The following HIVEP3 variants were observed in gnomAD, a reference collection of about 807,000 sequenced individuals.
The protein encoded by HIVEP3 is transcription factor HIVEP3.
HIVEP3 carries 49 observed loss-of-function variants against 152.8 expected under a neutral mutation model. That is an observed-to-expected ratio of 0.32 (90% confidence interval 0.26 to 0.41). HIVEP3 has a LOEUF of 0.41. Ranked by LOEUF, HIVEP3 falls within the 10% of genes least tolerant of loss-of-function variation. HIVEP3 has a pLI of 1.00. For synonymous variants in HIVEP3, 1,269 were observed against 1,289.0 expected (o/e 0.98, Z 0.33); for missense variants, 2,790 against 3,103.3 (o/e 0.90, Z 2.40).
At chr1:41,771,301 A>C (rs1357980653) in intron 1 of HIVEP3, among the ~76,000 whole-genome samples, 1 of 152,154 alleles carries the variant, frequency 6.6e-6, no homozygotes, top group African/African-American at 2.4e-5. Flanking sequence ...CCCCCAAAAA[A>C]TTAATTTACT....
In HIVEP3 at chr1:41,584,153, T is replaced by C; in HGVS notation, c.645A>G (p.Thr215=). 1 of 1,614,158 alleles carries C rather than the reference T, an allele frequency of 6.2e-7. No individual in the cohort carries two copies. Among genetic ancestry groups the C allele is most frequent in the Non-Finnish European group, 8.5e-7 (1 of 1,180,034 alleles). The change falls in exon 4 of 9, where the codon ACA becomes ACG. Residue 215 remains threonine, a synonymous_variant. Transcript: ENST00000372583. This position sits in a 1 kb window ranked among gnomAD's most constrained non-coding sequence, Gnocchi z 5.2. ...GGCCGCAGGGGTAGGGCCTCTCACC[T>C]GTGTGTGAGCGAATGTGCTTCTGGA... ...SVLQKHIRSH[T]GERPYPCGPC... is the part of the protein sequence containing the mutation.
At chr1:41,642,095 C>T (rs969434687) in intron 2 of HIVEP3, among the ~76,000 whole-genome samples, 3 of 152,182 alleles carry the variant, frequency 2.0e-5, no homozygotes, top group East Asian at 1.9e-4. Context: ...TTCCTGCCCC[C>T]ACCCTGGCTC....
intron 1 of HIVEP3, among the ~76,000 whole-genome samples, chr1:41,896,923 T>A (rs1034698969): frequency 1.3e-5 from 2 of 152,164 alleles, no homozygotes; most frequent in African/African-American, 4.8e-5. Flanking sequence ...AAGAGGTCTA[T>A]CACATGGTCT....
At chr1:41,694,868 C>G (rs1467642928) in intron 2 of HIVEP3, among the ~76,000 whole-genome samples, 1 of 152,146 alleles carries the variant, frequency 6.6e-6, no homozygotes, top group African/African-American at 2.4e-5. Flanking sequence ...GAGATGTAAC[C>G]CTACCTAGTA....
chr1:41,969,770 C>A (rs1645219141), intron 1 of HIVEP3, among the ~76,000 whole-genome samples: 1 of 152,182 alleles, frequency 6.6e-6, no homozygotes, highest in Non-Finnish European at 1.5e-5. Context: ...AGCAGACAGA[C>A]AATCTAAAGA....
intron 3 of HIVEP3, among the ~76,000 whole-genome samples, chr1:41,593,374 G>A (rs1172099049): frequency 6.6e-6 from 1 of 151,902 alleles, no homozygotes; most frequent in Non-Finnish European, 1.5e-5. Flanking sequence ...TCTTTTTGCG[G>A]GCAGCAGCAC....
chr1:41,544,857 A>T (rs1210121895), intron 5 of HIVEP3, among the ~76,000 whole-genome samples: 16 of 93,974 alleles, frequency 1.7e-4, no homozygotes, highest in East Asian at 3.1e-4. Context: ...CACCACCACC[A>T]CCACCACCAC....
intron 1 of HIVEP3, among the ~76,000 whole-genome samples, chr1:41,894,999 C>A (rs1447177692): frequency 6.6e-6 from 1 of 151,858 alleles, no homozygotes; most frequent in Non-Finnish European, 1.5e-5. Flanking sequence ...CCACAACCAC[C>A]CCCCAGAAAA....
intron 1 of HIVEP3, among the ~76,000 whole-genome samples, chr1:41,933,039 T>A (rs1454624012): frequency 6.6e-6 from 1 of 152,042 alleles, no homozygotes; most frequent in Non-Finnish European, 1.5e-5. Context: ...ATGACCATGC[T>A]TTCTATGGTT....
At chr1:41,742,528 A>G (rs529747743) in intron 1 of HIVEP3, among the ~76,000 whole-genome samples, 1 of 152,354 alleles carries the variant, frequency 6.6e-6, no homozygotes, top group African/African-American at 2.4e-5. Flanking sequence ...CCCAGTGACT[A>G]TCTTTCTCGT....
At chr1:41,544,445 C>T (rs960594761) in intron 5 of HIVEP3, 2 of 151,934 alleles carry the variant, frequency 1.3e-5, no homozygotes, top group African/African-American at 4.8e-5. Flanking sequence ...ATTAAACACC[C>T]TCTGGCTCTC....
In HIVEP3 at chr1:41,809,691, T is replaced by A. The variant is rs530564607; in HGVS notation, c.-800-108696A>T. On this transcript the variant is annotated intron_variant, in intron 1 of 8. Coordinates refer to ENST00000372583, the MANE Select transcript of HIVEP3 (RefSeq NM_024503.5). ...AAGAATAAATGCCCCTTAATCAGAA[T>A]TGTCCCAGATGATCTAGGCCATATG... Among the ~76,000 whole-genome samples, 3 of 152,348 alleles carry A rather than the reference T, an allele frequency of 2.0e-5. No homozygotes were observed. In the South Asian group the frequency reaches 6.2e-4, roughly 32 times the overall value.
chr1:41,749,220 C>A (rs1647118526), intron 1 of HIVEP3, among the ~76,000 whole-genome samples: 1 of 152,214 alleles, frequency 6.6e-6, no homozygotes, highest in South Asian at 2.1e-4. Context: ...AAATTTGTGA[C>A]TTCACACTTG....
At chr1:41,897,509 C>T (rs969796778) in intron 1 of HIVEP3, among the ~76,000 whole-genome samples, 109 of 152,152 alleles carry the variant, frequency 7.2e-4, no homozygotes, top group African/African-American at 2.5e-3. Flanking sequence ...AGAACAGGCC[C>T]TCGTCAACAC....
At chr1:41,578,666 T>C (rs1472810441) in intron 4 of HIVEP3, among the ~76,000 whole-genome samples, 1 of 152,246 alleles carries the variant, frequency 6.6e-6, no homozygotes, top group African/African-American at 2.4e-5. Flanking sequence ...AGATTTTCTC[T>C]CCTCAAATAA....
At chr1:41,647,766 C>CAA (rs1196204581) in intron 2 of HIVEP3, among the ~76,000 whole-genome samples, 1 of 152,260 alleles carries the variant, frequency 6.6e-6, no homozygotes, top group Non-Finnish European at 1.5e-5. Flanking sequence ...CAAGTCCCTA[C>CAA]AAAGTCCCAA....
chr1:41,844,657 C>T (rs1484954267), intron 1 of HIVEP3, among the ~76,000 whole-genome samples: 1 of 152,184 alleles, frequency 6.6e-6, no homozygotes, highest in Non-Finnish European at 1.5e-5. Context: ...AAAACAAGTG[C>T]CAAGGTTGGT....
chr1:41,670,966 G>A (rs546577019), intron 2 of HIVEP3, among the ~76,000 whole-genome samples: 2 of 152,310 alleles, frequency 1.3e-5, no homozygotes, highest in African/African-American at 4.8e-5. Context: ...TAATAGGAGA[G>A]CCAGAGGATG....
At chr1:41,880,863 G>C (rs767660902) in intron 1 of HIVEP3, among the ~76,000 whole-genome samples, 1 of 152,172 alleles carries the variant, frequency 6.6e-6, no homozygotes, top group Non-Finnish European at 1.5e-5. Context: ...AAAAGGTTGC[G>C]AAAGGGGCCA....
Sources: gnomAD v4.1 joint callset for allele counts (sites outside exome capture counted in the v4.1 genomes callset) on GRCh38, gnomAD v4.1.1 for gene constraint, Gnocchi (gnomAD v3.1) non-coding constraint, MANE v1.5 for transcripts, NCBI Gene and HGNC (gene_info 2026-07-23, HGNC 2026-07-21) for gene names.